The following CFAP299 variants were observed in gnomAD, a reference collection of about 807,000 sequenced individuals.
The protein encoded by CFAP299 is cilia- and flagella-associated protein 299.
A neutral mutation model predicts 27.0 loss-of-function variants in CFAP299; 21 were observed. The observed-to-expected ratio is 0.78, with a 90% CI of 0.55 to 1.12. CFAP299 has a LOEUF of 1.12. Among genes scored for constraint, CFAP299 ranks in the 50% most tolerant of loss-of-function variants. The probability of loss-of-function intolerance (pLI) is 0.00; values close to 1 mark genes in which losing one functional copy is unlikely to be tolerated. For missense variants in CFAP299, 310 were observed against 276.6 expected (o/e 1.12, Z -0.86); for synonymous variants, 104 against 98.1 (o/e 1.06, Z -0.36).
At chr4:80,514,493 T>C (rs1367357738) in intron 2 of CFAP299, among the ~76,000 whole-genome samples, 1 of 152,028 alleles carries the variant, frequency 6.6e-6, no homozygotes, top group Non-Finnish European at 1.5e-5. Flanking sequence ...AACTGGAAAA[T>C]TATGAGCATA....
At chr4:80,686,223 C>T (rs1411645235) in intron 3 of CFAP299, among the ~76,000 whole-genome samples, 1 of 152,182 alleles carries the variant, frequency 6.6e-6, no homozygotes, top group Non-Finnish European at 1.5e-5. Flanking sequence ...TAACCTTCTA[C>T]TCATGAGTGG....
intron 2 of CFAP299, among the ~76,000 whole-genome samples, chr4:80,398,628 T>G (rs527986753): frequency 0.15 from 2,796 of 18,838 alleles, 54 homozygotes; most frequent in Middle Eastern, 0.19. Context: ...GGGAAAACTG[T>G]CTGGCCACAT....
intron 3 of CFAP299, among the ~76,000 whole-genome samples, chr4:80,755,559 G>A (rs1398137622): frequency 1.3e-5 from 2 of 151,936 alleles, no homozygotes; most frequent in Non-Finnish European, 2.9e-5. Flanking sequence ...GGTAATAAGT[G>A]GATAATAAAA....
At chr4:80,657,615 GT>G (rs1484069288) in intron 3 of CFAP299, among the ~76,000 whole-genome samples, 1 of 152,114 alleles carries the variant, frequency 6.6e-6, no homozygotes, top group Non-Finnish European at 1.5e-5. Flanking sequence ...GTACCATGCT[GT>G]TTTGGTTACT....
intron 2 of CFAP299, chr4:80,386,330 G>A: frequency 1.5e-6 from 2 of 1,365,608 alleles, no homozygotes; most frequent in South Asian, 1.2e-5. Flanking sequence ...CACCACCCAC[G>A]ACGATGGAAA....
chr4:80,341,199 G>A (rs572809921), intron 1 of CFAP299, among the ~76,000 whole-genome samples: 1 of 152,354 alleles, frequency 6.6e-6, no homozygotes, highest in East Asian at 1.9e-4. Flanking sequence ...TCCTGGGAAA[G>A]AGCCTCTGAG....
chr4:80,691,541 T>A (rs1720693931), intron 3 of CFAP299, among the ~76,000 whole-genome samples: 1 of 152,084 alleles, frequency 6.6e-6, no homozygotes, highest in African/African-American at 2.4e-5. Context: ...ATGGGACGTA[T>A]TTCAAAATAA....
intron 4 of CFAP299, among the ~76,000 whole-genome samples, chr4:80,878,863 T>G (rs1215791011): frequency 6.6e-6 from 1 of 152,156 alleles, no homozygotes; most frequent in Non-Finnish European, 1.5e-5. Flanking sequence ...AGAATCATTT[T>G]CCTTGAGATA....
intron 3 of CFAP299, among the ~76,000 whole-genome samples, chr4:80,682,163 G>T (rs1263289118): frequency 6.6e-6 from 1 of 152,154 alleles, no homozygotes; most frequent in African/African-American, 2.4e-5. Flanking sequence ...CATAGACATA[G>T]TTTTCTAATG....
chr4:80,579,579 G>A (rs966861), intron 2 of CFAP299, among the ~76,000 whole-genome samples: 6,903 of 152,120 alleles, frequency 0.045, 550 homozygotes, highest in African/African-American at 0.16. Context: ...AATATTAAGA[G>A]TCCCATCCTT....
chr4:80,413,298 T>C (rs187656534), intron 2 of CFAP299, among the ~76,000 whole-genome samples: 4 of 152,274 alleles, frequency 2.6e-5, no homozygotes, highest in East Asian at 1.9e-4. Flanking sequence ...CCTTAGGTGA[T>C]TGTGAAAGCA....
chr4:80,909,432 C>A (rs1735358807), intron 4 of CFAP299, among the ~76,000 whole-genome samples: 1 of 151,722 alleles, frequency 6.6e-6, no homozygotes, highest in South Asian at 2.1e-4. Flanking sequence ...AGAAATAAAT[C>A]TAGTATCTTA....
chr4:80,432,681 C>T (rs1464348844), intron 2 of CFAP299, among the ~76,000 whole-genome samples: 2 of 151,770 alleles, frequency 1.3e-5, no homozygotes, highest in African/African-American at 2.4e-5. Flanking sequence ...TACAGGCGCC[C>T]ACCACCACGC....
chr4:80,494,021 C>G (rs1394594015), intron 2 of CFAP299, among the ~76,000 whole-genome samples: 3 of 151,794 alleles, frequency 2.0e-5, no homozygotes, highest in Non-Finnish European at 2.9e-5. Flanking sequence ...ATGATCCACC[C>G]GCCTCGGCCT....
At chr4:80,815,461 A>G (rs568961491) in intron 3 of CFAP299, among the ~76,000 whole-genome samples, 1 of 152,052 alleles carries the variant, frequency 6.6e-6, no homozygotes, top group Non-Finnish European at 1.5e-5. Flanking sequence ...TCAATATGAA[A>G]TAAATTTAAG....
At chr4:80,624,495 GC>G (rs1368363677) in intron 3 of CFAP299, among the ~76,000 whole-genome samples, 1 of 151,646 alleles carries the variant, frequency 6.6e-6, no homozygotes, top group Non-Finnish European at 1.5e-5. Flanking sequence ...GATTTATGGG[GC>G]AGCAACAAAA....
In CFAP299 at chr4:80,341,080, C is replaced by A. The variant is rs116365135; in HGVS notation, c.111+5201C>A. Among the ~76,000 whole-genome samples the A allele has an allele frequency of 8.7e-3, 1,330 of 152,272 alleles. 23 individuals are homozygous for A. The highest frequency in any genetic ancestry group is 0.029 in the African/African-American group (1,225 of 41,550). On this transcript the variant is annotated intron_variant, in intron 1 of 5. Coordinates refer to ENST00000358105, the MANE Select transcript of CFAP299 (RefSeq NM_152770.3). ...TGTGAGCCACCGTGCCTGGCCCAGACTGCTTCTTTGAGTTAGATTCCAATC... is the reference window on the plus strand; with the variant it reads ...TGTGAGCCACCGTGCCTGGCCCAGAATGCTTCTTTGAGTTAGATTCCAATC...
At chr4:80,339,794 T>C (rs1033684972) in intron 1 of CFAP299, among the ~76,000 whole-genome samples, 1 of 152,242 alleles carries the variant, frequency 6.6e-6, no homozygotes, top group Non-Finnish European at 1.5e-5. Flanking sequence ...TTCTTAGTAA[T>C]TCTTCTATTT....
intron 2 of CFAP299, among the ~76,000 whole-genome samples, chr4:80,547,898 G>A (rs891701930): frequency 1.3e-5 from 2 of 152,126 alleles, no homozygotes; most frequent in African/African-American, 2.4e-5. Context: ...AGGTTGTGAA[G>A]AAAAGGGAAC....
Sources: gnomAD v4.1 joint callset for allele counts (sites outside exome capture counted in the v4.1 genomes callset) on GRCh38, gnomAD v4.1.1 for gene constraint, MANE v1.5 for transcripts, NCBI Gene and HGNC (gene_info 2026-07-23, HGNC 2026-07-21) for gene names.